The following KIAA1217 variants were observed in gnomAD, a reference collection of about 807,000 sequenced individuals.
The protein encoded by KIAA1217 is KIAA1217.
A neutral mutation model predicts 163.9 loss-of-function variants in KIAA1217; 88 were observed. That is an observed-to-expected ratio of 0.54 (90% CI 0.45 to 0.64). KIAA1217 has a LOEUF of 0.64. Among genes scored for constraint, KIAA1217 ranks in the 30% least tolerant of loss-of-function variants. KIAA1217 has a pLI of 0.00. For synonymous variants in KIAA1217, 903 were observed against 923.1 expected, an observed-to-expected ratio of 0.98 and a Z score of 0.39; for missense variants, 2,372 against 2,475.0, an observed-to-expected ratio of 0.96 and a Z score of 0.88.
At chr10:24,452,336 T>C (rs1333211953) in intron 5 of KIAA1217, among the ~76,000 whole-genome samples, 1 of 151,988 alleles carries the variant, frequency 6.6e-6, no homozygotes, top group Admixed American at 6.6e-5. Flanking sequence ...CTAATAATAA[T>C]TTTTTAAAAG....
intron 2 of KIAA1217, among the ~76,000 whole-genome samples, chr10:24,112,588 A>AT (rs201157870): frequency 1.5e-4 from 23 of 151,188 alleles, no homozygotes; most frequent in Admixed American, 3.3e-4. Context: ...TTTTTATTTT[A>AT]TTTTATTTTT....
At chr10:24,474,162 A>G in intron 6 of KIAA1217, 102 bp downstream of exon 6, 1 of 821,354 alleles carries the variant, frequency 1.2e-6, no homozygotes, top group Non-Finnish European at 1.9e-6. Context: ...CTGAGCACCC[A>G]TCTCTGCAGC....
chr10:23,883,232 T>A (rs1372264762), intron 1 of KIAA1217, among the ~76,000 whole-genome samples: 3 of 151,902 alleles, frequency 2.0e-5, no homozygotes, highest in Non-Finnish European at 2.9e-5. Flanking sequence ...GTGTTCTAGA[T>A]CGAATGTCCT....
At chr10:24,102,957 G>A (rs2062475403) in intron 2 of KIAA1217, among the ~76,000 whole-genome samples, 1 of 152,128 alleles carries the variant, frequency 6.6e-6, no homozygotes, top group South Asian at 2.1e-4. Context: ...GAGATCTGAT[G>A]GTTTTATAAA....
chr10:23,880,430 G>A (rs1840899590), intron 1 of KIAA1217, among the ~76,000 whole-genome samples: 1 of 151,826 alleles, frequency 6.6e-6, no homozygotes, highest in African/African-American at 2.4e-5. Flanking sequence ...TAGAGTAGAA[G>A]GATGGTTACC....
At chr10:23,934,625 A>ATATATATATATTTT (rs1554826424) in intron 1 of KIAA1217, among the ~76,000 whole-genome samples, 1 of 68,570 alleles carries the variant, frequency 1.5e-5, no homozygotes, top group African/African-American at 9.2e-5. Flanking sequence ...ATATATATAT[A>ATATATATATATTTT]TTTTTTTTTT....
intron 2 of KIAA1217, among the ~76,000 whole-genome samples, chr10:24,340,972 C>T (rs540001398): frequency 6.6e-6 from 1 of 152,198 alleles, no homozygotes; most frequent in Admixed American, 6.5e-5. Flanking sequence ...ATGTTATGCG[C>T]CGATAGTTCT....
chr10:24,067,825 C>T (rs1165074578), intron 2 of KIAA1217, among the ~76,000 whole-genome samples: 1 of 152,112 alleles, frequency 6.6e-6, no homozygotes, highest in Non-Finnish European at 1.5e-5. Context: ...TGTTTACCTA[C>T]TCAAGCCTGA....
intron 1 of KIAA1217, among the ~76,000 whole-genome samples, chr10:23,863,222 A>G (rs552685046): frequency 3.9e-5 from 6 of 152,234 alleles, no homozygotes; most frequent in African/African-American, 1.2e-4. Context: ...TAAGCACTCA[A>G]TGCATATTAA....
At chr10:23,969,709 T>C (rs1002052402) in intron 1 of KIAA1217, among the ~76,000 whole-genome samples, 4 of 152,242 alleles carry the variant, frequency 2.6e-5, no homozygotes, top group Non-Finnish European at 4.4e-5. Context: ...GGTTTTCAGA[T>C]ATTCACTCTT....
intron 1 of KIAA1217, among the ~76,000 whole-genome samples, chr10:23,928,430 A>G (rs1022683878): frequency 6.6e-6 from 1 of 152,186 alleles, no homozygotes; most frequent in African/African-American, 2.4e-5. Flanking sequence ...TGAATTGTTC[A>G]TCATGCAATT....
At chr10:24,375,381 A>T (rs1224662316) in intron 2 of KIAA1217, among the ~76,000 whole-genome samples, 2 of 152,218 alleles carry the variant, frequency 1.3e-5, no homozygotes, top group Non-Finnish European at 2.9e-5. Flanking sequence ...TCTGTAAGCA[A>T]ATTTAGAAGC....
intron 3 of KIAA1217, among the ~76,000 whole-genome samples, chr10:24,400,671 A>T (rs898859853): frequency 6.6e-6 from 1 of 152,148 alleles, no homozygotes; most frequent in Non-Finnish European, 1.5e-5. Context: ...AGTAATCAGG[A>T]TCATTGAAAT....
At chr10:24,390,484 G>A (rs1471351563) in intron 3 of KIAA1217, among the ~76,000 whole-genome samples, 28 of 131,232 alleles carry the variant, frequency 2.1e-4, no homozygotes, top group Non-Finnish European at 2.3e-4. Context: ...AGGGAAGGAA[G>A]GAAGGAAGGA....
At chr10:23,845,254 T>G (rs1044890262) in intron 1 of KIAA1217, among the ~76,000 whole-genome samples, 3 of 152,230 alleles carry the variant, frequency 2.0e-5, no homozygotes, top group African/African-American at 7.2e-5. Flanking sequence ...ATATGCCCAG[T>G]AATGAGATTG....
intron 2 of KIAA1217, among the ~76,000 whole-genome samples, chr10:24,023,801 C>T (rs189791047): frequency 2.6e-4 from 39 of 151,618 alleles, no homozygotes; most frequent in Non-Finnish European, 4.9e-4. Flanking sequence ...AACACAAATA[C>T]GTATGACAAC....
At chr10:24,463,324 G>C (rs981729730) in intron 5 of KIAA1217, among the ~76,000 whole-genome samples, 1 of 152,198 alleles carries the variant, frequency 6.6e-6, no homozygotes, top group African/African-American at 2.4e-5. Flanking sequence ...GGGCTCAGTA[G>C]AGTTCCTCTG....
At chr10:24,055,592 T>C (rs1430442759) in intron 2 of KIAA1217, among the ~76,000 whole-genome samples, 1 of 152,222 alleles carries the variant, frequency 6.6e-6, no homozygotes, top group Non-Finnish European at 1.5e-5. Flanking sequence ...TTAGTATTTG[T>C]GTGGCTGTCC....
intron 2 of KIAA1217, among the ~76,000 whole-genome samples, chr10:24,026,665 G>T (rs1322902982): frequency 7.0e-6 from 1 of 141,968 alleles, no homozygotes; most frequent in Non-Finnish European, 1.5e-5. Flanking sequence ...CTTATACATT[G>T]TATTGATTCT....
Sources: gnomAD v4.1 joint callset for allele counts (sites outside exome capture counted in the v4.1 genomes callset) on GRCh38, gnomAD v4.1.1 for gene constraint, MANE v1.5 for transcripts, NCBI Gene and HGNC (gene_info 2026-07-23, HGNC 2026-07-21) for gene names.